ARHGAP10: variants seen among roughly 807,000 people sequenced by gnomAD.
The protein encoded by ARHGAP10 is Rho GTPase activating protein 10.
ARHGAP10 carries 87 observed loss-of-function variants against 108.6 expected under a neutral mutation model. The observed-to-expected ratio is 0.80, with a 90% CI of 0.67 to 0.96. The LOEUF (loss-of-function observed/expected upper bound fraction) is 0.96, where lower values mean the gene tolerates loss of function less well. ARHGAP10 is among the 40% of genes least tolerant of loss of function. The pLI is 0.00. For missense variants in ARHGAP10, 939 were observed against 954.5 expected (o/e 0.98, Z 0.21); for synonymous variants, 347 against 341.1 (o/e 1.02, Z -0.19).
intron 1 of ARHGAP10, among the ~76,000 whole-genome samples, chr4:147,786,177 G>T (rs1294032324): frequency 6.6e-6 from 1 of 152,124 alleles, no homozygotes; most frequent in Non-Finnish European, 1.5e-5. Context: ...GTTATTAAGA[G>T]GAAGTAACCT....
intron 12 of ARHGAP10, among the ~76,000 whole-genome samples, chr4:147,911,424 G>A (rs115045594): frequency 0.022 from 3,412 of 152,242 alleles, 95 homozygotes; most frequent in African/African-American, 0.066. Context: ...GTGCAGGGGC[G>A]CAATTTCAGC....
At chr4:147,997,079 G>A (rs992466915) in intron 18 of ARHGAP10, among the ~76,000 whole-genome samples, 4 of 152,182 alleles carry the variant, frequency 2.6e-5, no homozygotes, top group Non-Finnish European at 4.4e-5. Flanking sequence ...TGTAGTGCAC[G>A]GAAGAATAAC....
chr4:147,791,603 C>T (rs1322441224), intron 1 of ARHGAP10, among the ~76,000 whole-genome samples: 5 of 151,428 alleles, frequency 3.3e-5, no homozygotes, highest in Admixed American at 3.3e-4. Flanking sequence ...TTTGTTTTTC[C>T]TCCCTGCGGG....
intron 1 of ARHGAP10, among the ~76,000 whole-genome samples, chr4:147,784,968 AAT>A (rs898444366): frequency 4.4e-5 from 6 of 134,990 alleles, no homozygotes; most frequent in East Asian, 2.0e-4. Flanking sequence ...TATATTATGA[AAT>A]ATGTTATATT....
chr4:148,063,162 G>T lies in ARHGAP10; in HGVS notation c.2042G>T (p.Arg681Leu), dbSNP rs765966630. 1 of 1,614,154 alleles carries T rather than the reference G, an allele frequency of 6.2e-7. No individual in the cohort carries two copies. Among genetic ancestry groups the T allele is most frequent in the African/African-American group, 1.3e-5 (1 of 75,020 alleles). ...DWASTIPGQT[R>L]SSMVQWLNPQ... ...CCTACCCTTAGCCCAGGCCAGACCC[G>T]ATCGTCTATGGTCCAGTGGCTTAAC... The change falls in exon 21 of 23, where the codon CGA becomes CTA. Residue 681 changes from arginine to leucine, a missense_variant. Coordinates refer to ENST00000336498, the MANE Select transcript of ARHGAP10 (RefSeq NM_024605.4).
intron 18 of ARHGAP10, among the ~76,000 whole-genome samples, chr4:147,982,023 C>T (rs537858516): frequency 6.6e-6 from 1 of 152,224 alleles, no homozygotes; most frequent in Admixed American, 6.5e-5. Context: ...CAATTTGCCA[C>T]CCTATGTCTT....
chr4:147,768,386 A>G (rs911569734), intron 1 of ARHGAP10, among the ~76,000 whole-genome samples: 4 of 152,200 alleles, frequency 2.6e-5, no homozygotes, highest in Admixed American at 2.6e-4. Flanking sequence ...GAGTGTCTGG[A>G]AACATTGTAA....
At chr4:147,869,911 A>G (rs1354069199) in intron 7 of ARHGAP10, among the ~76,000 whole-genome samples, 1 of 151,784 alleles carries the variant, frequency 6.6e-6, no homozygotes, top group Non-Finnish European at 1.5e-5. Context: ...TTGGCCATTC[A>G]TCTCATTCCT....
intron 13 of ARHGAP10, among the ~76,000 whole-genome samples, chr4:147,938,936 C>T (rs1367696770): frequency 6.6e-6 from 1 of 152,122 alleles, no homozygotes; most frequent in African/African-American, 2.4e-5. Flanking sequence ...TAATGAATTC[C>T]CATATTCTCA....
At chr4:148,044,888 A>G (rs747827995) in intron 19 of ARHGAP10, among the ~76,000 whole-genome samples, 9 of 152,280 alleles carry the variant, frequency 5.9e-5, no homozygotes, top group Non-Finnish European at 8.8e-5. Flanking sequence ...TGGCCCTTCT[A>G]TTGGCGCTGA....
At position 147,732,369 on chromosome 4, in the gene ARHGAP10, G is replaced by A. The variant is rs1315488720; in HGVS notation, c.68G>A (p.Arg23His). ...AGCCCGTGGTTCCGGGAGAGGATCC[G>A]CGCTCACGAAGCGGAACTCGAGAGG... ...LDSPWFRERI[R>H]AHEAELERTN... Residue 23 changes from arginine to histidine, a missense_variant, in exon 1 of 23, where the codon CGC (arginine) becomes CAC (histidine). Physicochemically the swap from Arg to His is conservative, Grantham distance 29. Coordinates refer to ENST00000336498, the MANE Select transcript of ARHGAP10 (RefSeq NM_024605.4). 6.2e-7 allele frequency: 1 copy of A among 1,613,424 alleles called. No individual in the cohort carries two copies. The highest frequency in any genetic ancestry group is 8.5e-7 in the Non-Finnish European group (1 of 1,179,686).
chr4:147,867,723 G>A (rs934957271), intron 7 of ARHGAP10, among the ~76,000 whole-genome samples: 6 of 152,172 alleles, frequency 3.9e-5, no homozygotes, highest in African/African-American at 1.2e-4. Context: ...CATTAGCTGG[G>A]TGTGGTGGAG....
rs910495445 is a variant in ARHGAP10 at position 147,793,186 on chromosome 4, ATG to A, written c.155-29527_155-29526del. On this transcript the variant is annotated intron_variant, in intron 1 of 22. Transcript: ENST00000336498. ...TGTATGTGTGTGTGTGTGTGCATAT[ATG>A]TGTGTGTGTGTGTATATGTGTGTAT... Among the ~76,000 whole-genome samples, 76 of 150,516 alleles carry A rather than the reference ATG, an allele frequency of 5.0e-4. No homozygotes were observed. In the East Asian group the frequency reaches 7.8e-3, roughly 15 times the overall value.
intron 19 of ARHGAP10, among the ~76,000 whole-genome samples, chr4:148,040,608 C>G (rs1038706583): frequency 2.0e-5 from 3 of 152,062 alleles, no homozygotes; most frequent in South Asian, 2.1e-4. Flanking sequence ...TCCCAAAGTG[C>G]TGGGATTACA....
intron 3 of ARHGAP10, among the ~76,000 whole-genome samples, chr4:147,832,324 A>C (rs1278204134): frequency 1.3e-5 from 2 of 151,890 alleles, no homozygotes; most frequent in Non-Finnish European, 1.5e-5. Context: ...ACTTAGGGAG[A>C]CATATTTGAC....
chr4:147,845,521 C>T (rs1233890395), intron 3 of ARHGAP10, among the ~76,000 whole-genome samples: 2 of 152,136 alleles, frequency 1.3e-5, no homozygotes, highest in Non-Finnish European at 2.9e-5. Flanking sequence ...CTTTTATTGC[C>T]ATGTTGCATG....
chr4:147,976,152 T>C (rs2149623016), intron 18 of ARHGAP10, among the ~76,000 whole-genome samples: 1 of 152,268 alleles, frequency 6.6e-6, no homozygotes, highest in South Asian at 2.1e-4. Flanking sequence ...ATTGAGTGAG[T>C]AATATCCAAA....
chr4:147,890,759 G>A (rs564247045), intron 10 of ARHGAP10, among the ~76,000 whole-genome samples: 3 of 152,198 alleles, frequency 2.0e-5, no homozygotes, highest in South Asian at 2.1e-4. Context: ...CCCGGGAGAC[G>A]GAGGTTGCAG....
intron 1 of ARHGAP10, among the ~76,000 whole-genome samples, chr4:147,776,480 A>G (rs1402522607): frequency 2.6e-5 from 4 of 152,262 alleles, no homozygotes; most frequent in East Asian, 3.9e-4. Context: ...TTGGCCTCCC[A>G]AAGTGCCAGG....
Sources: allele counts gnomAD v4.1 joint callset (sites outside exome capture counted in the v4.1 genomes callset), GRCh38; gene constraint gnomAD v4.1.1; transcripts MANE v1.5; gene names NCBI Gene and HGNC (gene_info 2026-07-23, HGNC 2026-07-21).